TYW1: variants seen among roughly 807,000 people sequenced by gnomAD.
TYW1 encodes the protein tRNA-yW synthesizing protein 1 homolog.
In TYW1, 46 loss-of-function variants were observed where a neutral mutation model predicts 96.2. That is an observed-to-expected ratio of 0.48 (90% CI 0.38 to 0.61). The LOEUF (loss-of-function observed/expected upper bound fraction) is 0.61. Among genes scored for constraint, TYW1 ranks in the 20% least tolerant of loss-of-function variants. The probability of loss-of-function intolerance (pLI) is 0.00; values close to 1 mark genes in which losing one functional copy is unlikely to be tolerated. For synonymous variants in TYW1, 274 were observed against 323.0 expected, an observed-to-expected ratio of 0.85 and a Z score of 1.63; for missense variants, 684 against 909.6, an observed-to-expected ratio of 0.75 and a Z score of 3.19.
chr7:67,084,734 C>A (rs538944745), intron 11 of TYW1, among the ~76,000 whole-genome samples: 1 of 152,238 alleles, frequency 6.6e-6, no homozygotes, highest in African/African-American at 2.4e-5. Context: ...AGGCTGGTCT[C>A]AAACTCTTGG....
intron 3 of TYW1, among the ~76,000 whole-genome samples, chr7:67,001,492 G>C (rs1299167666): frequency 2.0e-5 from 3 of 151,506 alleles, no homozygotes; most frequent in Admixed American, 6.6e-5. Flanking sequence ...CGCGATCTCG[G>C]CTCACTGCAA....
intron 15 of TYW1, among the ~76,000 whole-genome samples, chr7:67,235,935 T>C (rs1447484824): frequency 6.8e-6 from 1 of 147,954 alleles, no homozygotes; most frequent in African/African-American, 2.5e-5. Context: ...GAAGAAAGAC[T>C]GGGCCCTCGC....
At chr7:67,035,835 G>A (rs1164178272) in intron 7 of TYW1, among the ~76,000 whole-genome samples, 1 of 151,798 alleles carries the variant, frequency 6.6e-6, no homozygotes, top group East Asian at 1.9e-4. Flanking sequence ...ATGCCACCAT[G>A]CCCAGCTAAT....
At chr7:67,011,607 C>T (rs1344239505) in intron 4 of TYW1, among the ~76,000 whole-genome samples, 2 of 152,120 alleles carry the variant, frequency 1.3e-5, no homozygotes, top group African/African-American at 4.8e-5. Context: ...TGTGGTGGCT[C>T]ACGCCTGTAA....
At chr7:67,197,759 T>C (rs1257192069) in intron 15 of TYW1, among the ~76,000 whole-genome samples, 2 of 152,120 alleles carry the variant, frequency 1.3e-5, no homozygotes, top group Non-Finnish European at 2.9e-5. Context: ...TTCCCTTCTT[T>C]CCTTCCTTCT....
chr7:67,012,943 C>A (rs1793864038), intron 4 of TYW1, among the ~76,000 whole-genome samples: 1 of 151,580 alleles, frequency 6.6e-6, no homozygotes, highest in South Asian at 2.1e-4. Flanking sequence ...AAAAACTTCC[C>A]ATCCCAAACA....
chr7:67,195,229 G>C lies in TYW1; in HGVS notation c.1869G>C (p.Trp623Cys). The C allele has an allele frequency of 1.9e-6, 3 of 1,613,732 alleles. No individual in the cohort carries two copies. Among genetic ancestry groups the C allele is most frequent in the Non-Finnish European group, 2.5e-6 (3 of 1,179,964 alleles). ...ASSLTMAHVP[W>C]HEEVVQFVHE... is the part of the protein sequence containing the mutation. ...GTCTTACCATGGCCCACGTGCCCTG[G>C]CATGAGGAAGTGGTACAGTTTGTCC... The change falls in exon 15 of 16, where the codon TGG (tryptophan) becomes TGC (cysteine). Residue 623 changes from tryptophan (W) to cysteine (C), a missense_variant. Transcript: ENST00000359626.
At chr7:67,090,385 T>C (rs1295566056) in intron 11 of TYW1, among the ~76,000 whole-genome samples, 3 of 152,202 alleles carry the variant, frequency 2.0e-5, no homozygotes, top group Non-Finnish European at 4.4e-5. Context: ...AATAGGAATA[T>C]ACTGAGCATT....
chr7:67,030,559 G>A (rs908309153), intron 7 of TYW1, among the ~76,000 whole-genome samples: 1 of 152,178 alleles, frequency 6.6e-6, no homozygotes, highest in African/African-American at 2.4e-5. Context: ...TTGACCCCAG[G>A]AGGTGGAGGT....
intron 15 of TYW1, among the ~76,000 whole-genome samples, chr7:67,203,657 A>G (rs1445074733): frequency 6.7e-6 from 1 of 149,178 alleles, no homozygotes; most frequent in Non-Finnish European, 1.5e-5. Flanking sequence ...TTCAACTATC[A>G]AAGGTAACTT....
intron 7 of TYW1, among the ~76,000 whole-genome samples, chr7:67,037,583 A>G (rs1160309209): frequency 6.6e-6 from 1 of 150,984 alleles, no homozygotes; most frequent in Non-Finnish European, 1.5e-5. Flanking sequence ...GGAGCTGGGG[A>G]CAAAGGCTAG....
At chr7:67,133,376 C>T (rs1056297752) in intron 13 of TYW1, among the ~76,000 whole-genome samples, 2 of 152,066 alleles carry the variant, frequency 1.3e-5, no homozygotes, top group African/African-American at 4.8e-5. Flanking sequence ...CTCCTGGCCT[C>T]AAGTGATCCT....
At chr7:67,228,523 T>C (rs2116439187) in intron 15 of TYW1, among the ~76,000 whole-genome samples, 1 of 152,360 alleles carries the variant, frequency 6.6e-6, no homozygotes, top group Admixed American at 6.5e-5. Flanking sequence ...AGCAGTTTCT[T>C]AATAAAGGCT....
At chr7:67,010,703 C>G (rs961140045) in intron 4 of TYW1, among the ~76,000 whole-genome samples, 4 of 151,828 alleles carry the variant, frequency 2.6e-5, no homozygotes, top group African/African-American at 9.7e-5. Flanking sequence ...TCTCAATCTC[C>G]TGACCTTGTG....
At chr7:67,169,844 G>A (rs540791446) in intron 13 of TYW1, among the ~76,000 whole-genome samples, 1 of 152,308 alleles carries the variant, frequency 6.6e-6, no homozygotes, top group Non-Finnish European at 1.5e-5. Flanking sequence ...TTCATGCACA[G>A]GTTTTAGTGT....
At chr7:67,017,540 T>A (rs1794066508) in intron 5 of TYW1, among the ~76,000 whole-genome samples, 1 of 152,234 alleles carries the variant, frequency 6.6e-6, no homozygotes, top group Admixed American at 6.5e-5. Flanking sequence ...TGTTTTGTTC[T>A]TATCATGATA....
chr7:67,040,420 C>T (rs917230195), intron 7 of TYW1, among the ~76,000 whole-genome samples: 11 of 151,688 alleles, frequency 7.3e-5, no homozygotes, highest in East Asian at 1.9e-4. Context: ...ACTGGGTCAA[C>T]GTGAATGTGT....
chr7:67,123,242 C>T (rs187393468), intron 13 of TYW1, among the ~76,000 whole-genome samples: 96 of 152,114 alleles, frequency 6.3e-4, no homozygotes, highest in Middle Eastern at 3.4e-3. Context: ...TCATGTAAAC[C>T]GTGGGACCCC....
At chr7:67,035,207 C>T (rs533014464) in intron 7 of TYW1, among the ~76,000 whole-genome samples, 11 of 151,710 alleles carry the variant, frequency 7.3e-5, no homozygotes, top group Non-Finnish European at 1.0e-4. Context: ...CAACTTCCGC[C>T]TCCCAGTTTT....
Sources: gnomAD v4.1 joint callset for allele counts (sites outside exome capture counted in the v4.1 genomes callset) on GRCh38, gnomAD v4.1.1 for gene constraint, MANE v1.5 for transcripts, NCBI Gene and HGNC (gene_info 2026-07-23, HGNC 2026-07-21) for gene names.